Variants in SLC22A14 observed in about 807,000 individuals in gnomAD.
SLC22A14 encodes the protein solute carrier family 22 member 14.
SLC22A14 carries 50 observed loss-of-function variants against 53.9 expected under a neutral mutation model. The observed-to-expected ratio is 0.93, with a 90% CI of 0.74 to 1.17. SLC22A14 has a LOEUF of 1.17. SLC22A14 is among the 50% of genes most tolerant of loss of function. The pLI is 0.00. For missense variants in SLC22A14, 671 were observed against 734.7 expected (o/e 0.91, Z 1.00); for synonymous variants, 312 against 303.0 (o/e 1.03, Z -0.31).
At position 38,316,484 on chromosome 3, in the gene SLC22A14, C is replaced by T. The variant is rs1704624896; in HGVS notation, c.1693C>T (p.Gln565Ter). ...LSSLLPETRD[Q>*]PLSESLNHSS... ...CTCCCTGCTGCCGGAAACGCGAGAT[C>T]AGCCCCTCTCCGAGAGCCTGAACCA... Residue 565 changes from glutamine (Q) to a stop codon, truncating the protein, a stop_gained, in exon 10 of 11, where the codon CAG (glutamine) becomes TAG (stop). Coordinates refer to ENST00000448498, the MANE Select transcript of SLC22A14 (RefSeq NM_001320033.2). LOFTEE classifies it low-confidence loss of function (END_TRUNC). 3.1e-6 allele frequency: 5 copies of T among 1,614,010 alleles called. No individual in the cohort carries two copies. The highest frequency in any genetic ancestry group is 2.2e-5 in the South Asian group (2 of 91,092).
chr3:38,282,869 A>C (rs572843470), intron 1 of SLC22A14, among the ~76,000 whole-genome samples: 36 of 152,116 alleles, frequency 2.4e-4, no homozygotes, highest in African/African-American at 7.2e-4. Context: ...CCTTACACAC[A>C]TACATCCTGT....
At chr3:38,305,640 GTT>G in intron 1 of SLC22A14, 5 of 175,916 alleles carry the variant, frequency 2.8e-5, no homozygotes, top group South Asian at 1.5e-4. Flanking sequence ...GCAGATCTTT[GTT>G]TGTTTTTGAA....
chr3:38,287,060 CTT>C (rs1469304100), intron 1 of SLC22A14, among the ~76,000 whole-genome samples: 1 of 152,052 alleles, frequency 6.6e-6, no homozygotes, highest in African/African-American at 2.4e-5. Flanking sequence ...TGTACATACT[CTT>C]TACATAGTCT....
chr3:38,283,215 T>C (rs982330741), intron 1 of SLC22A14, among the ~76,000 whole-genome samples: 1 of 152,068 alleles, frequency 6.6e-6, no homozygotes, highest in Admixed American at 6.5e-5. Flanking sequence ...TACCTGACAA[T>C]CCAGGATAAT....
chr3:38,317,829 A>G (rs938048186), intron 10 of SLC22A14, among the ~76,000 whole-genome samples: 2 of 152,248 alleles, frequency 1.3e-5, no homozygotes, highest in African/African-American at 4.8e-5. Flanking sequence ...ACAGGTGAGA[A>G]CATTGGGGCA....
Position 38,306,137 on chromosome 3 carries a change from G to A in SLC22A14, c.111G>A (p.Leu37=). ...GHPHSWSLEM[L]LRRLRAVHTK... Reference sequence around the variant, plus strand: ...CACATTCCTGGTCTCTGGAGATGCTGTTACGCAGATTGAGGGCTGTCCACA... The same window carrying A: ...CACATTCCTGGTCTCTGGAGATGCTATTACGCAGATTGAGGGCTGTCCACA... The change falls in exon 2 of 11, where the codon CTG becomes CTA. Residue 37 remains leucine, a synonymous_variant. Coordinates refer to ENST00000448498, the MANE Select transcript of SLC22A14 (RefSeq NM_001320033.2). 6.2e-7 allele frequency: 1 copy of A among 1,614,172 alleles called. No individual in the cohort carries two copies.
intron 8 of SLC22A14, among the ~76,000 whole-genome samples, 169 bp from the exon 9 acceptor site, chr3:38,315,389 G>A (rs1014669924): frequency 1.3e-5 from 2 of 152,246 alleles, no homozygotes; most frequent in Admixed American, 1.3e-4. Flanking sequence ...ACTCTGCACT[G>A]CAAATGTCCT....
intron 1 of SLC22A14, chr3:38,305,753 T>G: frequency 2.3e-6 from 1 of 434,862 alleles, no homozygotes; most frequent in East Asian, 3.9e-5. Flanking sequence ...TGTAGGAGAG[T>G]TCCTAAGAAC....
rs1704293092 is a variant in SLC22A14 at position 38,306,124 on chromosome 3, C to G, written c.98C>G (p.Ser33Cys). The G allele has an allele frequency of 6.2e-7, 1 of 1,614,040 alleles. No homozygotes were observed. Among genetic ancestry groups the G allele is most frequent in the Non-Finnish European group, 8.5e-7 (1 of 1,180,028 alleles). ...HEVAGHPHSW[S>C]LEMLLRRLRA... ...GTAGCAGGACATCCACATTCCTGGT[C>G]TCTGGAGATGCTGTTACGCAGATTG... The change falls in exon 2 of 11, where the codon TCT becomes TGT. Residue 33 changes from serine to cysteine, a missense_variant. By Grantham distance (112) the Ser-to-Cys change is moderately radical. Coordinates refer to ENST00000448498, the MANE Select transcript of SLC22A14 (RefSeq NM_001320033.2).
intron 1 of SLC22A14, among the ~76,000 whole-genome samples, chr3:38,302,713 G>C (rs1256762869): frequency 6.6e-6 from 1 of 152,130 alleles, no homozygotes; most frequent in Non-Finnish European, 1.5e-5. Context: ...TATTAAATTT[G>C]ATTTACTAAC....
At position 38,318,179 on chromosome 3, in the gene SLC22A14, C is replaced by T. The variant is rs773764117; in HGVS notation, c.1734-19C>T. On this transcript the variant is annotated intron_variant, in intron 10 of 10. Coordinates refer to ENST00000448498, the MANE Select transcript of SLC22A14 (RefSeq NM_001320033.2). The stretch of plus-strand genomic sequence containing the variant: ...CAGAAAGATGTGGCCCTGGACTCAT[C>T]CTCTGATGGCTCTTTCAGGAATAAG... 10 of 1,612,260 alleles carry T rather than the reference C, an allele frequency of 6.2e-6. No homozygotes were observed. In the South Asian group the frequency reaches 8.8e-5, roughly 14 times the overall value.
Position 38,316,461 on chromosome 3 carries a change from C to G in SLC22A14, c.1670C>G (p.Ser557Cys), listed in dbSNP as rs114581236. 4.6e-5 allele frequency: 75 copies of G among 1,614,182 alleles called. No homozygotes were observed. The African/African-American group carries it at 8.5e-4, about 18-fold the overall frequency. The part of the protein sequence containing the change: ...VLAIVAFSLS[S>C]LLPETRDQPL... ...GCCATCGTGGCCTTTTCCCTCTCCT[C>G]CCTGCTGCCGGAAACGCGAGATCAG... is the stretch of plus-strand genomic sequence containing the variant. Residue 557 changes from serine (S) to cysteine (C), a missense_variant, in exon 10 of 11, where the codon TCC becomes TGC. Physicochemically the swap from Ser to Cys is moderately radical, Grantham distance 112. Coordinates refer to ENST00000448498, the MANE Select transcript of SLC22A14 (RefSeq NM_001320033.2).
intron 1 of SLC22A14, among the ~76,000 whole-genome samples, chr3:38,295,260 C>T (rs1185339243): frequency 6.6e-6 from 1 of 152,214 alleles, no homozygotes; most frequent in Non-Finnish European, 1.5e-5. Flanking sequence ...GTTAAATTAC[C>T]TTTTTCTAAC....
intron 7 of SLC22A14, 44 bp from the exon 8 acceptor site, chr3:38,313,683 T>TGTGTGTGTGTGTGTGTGCGCGC (rs539249729): frequency 0.019 from 13,631 of 735,732 alleles, 92 homozygotes; most frequent in Non-Finnish European, 0.023. Flanking sequence ...GCTCCGTGTG[T>TGTGTGTGTGTGTGTGTGCGCGC]GTGCGCGCGT....
chr3:38,289,035 C>T (rs1255614431), intron 1 of SLC22A14, among the ~76,000 whole-genome samples: 1 of 151,738 alleles, frequency 6.6e-6, no homozygotes. Flanking sequence ...AAAAAATTAG[C>T]CCTGCATGGT....
At chr3:38,295,668 T>G (rs1223978296) in intron 1 of SLC22A14, among the ~76,000 whole-genome samples, 3 of 152,074 alleles carry the variant, frequency 2.0e-5, no homozygotes, top group Non-Finnish European at 4.4e-5. Flanking sequence ...TTTATTTTAT[T>G]TTATTTCTAT....
chr3:38,310,980 G>A (rs1014449657), intron 5 of SLC22A14, among the ~76,000 whole-genome samples: 3 of 152,142 alleles, frequency 2.0e-5, no homozygotes, highest in Non-Finnish European at 4.4e-5. Flanking sequence ...CTCTCTCACT[G>A]TCTGGAATAC....
intron 5 of SLC22A14, among the ~76,000 whole-genome samples, chr3:38,310,038 G>T (rs1704425353): frequency 6.6e-6 from 1 of 152,110 alleles, no homozygotes; most frequent in African/African-American, 2.4e-5. Flanking sequence ...CAAAGCCTCT[G>T]CATTTTAACT....
chr3:38,304,804 C>T (rs983912907), intron 1 of SLC22A14, among the ~76,000 whole-genome samples: 6 of 152,186 alleles, frequency 3.9e-5, no homozygotes, highest in Non-Finnish European at 5.9e-5. Flanking sequence ...GCCTAAGTTA[C>T]ATTTCCTGGA....
Sources: allele counts gnomAD v4.1 joint callset (sites outside exome capture counted in the v4.1 genomes callset), GRCh38; gene constraint gnomAD v4.1.1; transcripts MANE v1.5; gene names NCBI Gene and HGNC (gene_info 2026-07-23, HGNC 2026-07-21).